The following FRMPD4 variants were observed in gnomAD, a reference collection of about 807,000 sequenced individuals.
FRMPD4 encodes FERM and PDZ domain containing 4, also known as FERM and PDZ domain-containing protein 4.
FRMPD4 carries 22 observed loss-of-function variants against 94.1 expected under a neutral mutation model. That is an observed-to-expected ratio of 0.23 (90% CI 0.17 to 0.33). The LOEUF (loss-of-function observed/expected upper bound fraction) is 0.33. Ranked by LOEUF, FRMPD4 falls within the 10% of genes least tolerant of loss-of-function variation. FRMPD4 has a pLI of 1.00. For synonymous variants in FRMPD4, 631 were observed against 548.6 expected (o/e 1.15, Z -2.10); for missense variants, 1,111 against 1,339.9 (o/e 0.83, Z 2.67).
At chrX:12,493,953 T>C (rs1266502338) in intron 1 of FRMPD4, among the ~76,000 whole-genome samples, 1 of 111,942 alleles carries the variant, frequency 8.9e-6, no homozygotes, top group Admixed American at 9.5e-5. Flanking sequence ...TTATTTCCAT[T>C]TTACACATAA....
intron 13 of FRMPD4, among the ~76,000 whole-genome samples, chrX:12,708,265 T>G (rs1254443387): frequency 9.3e-6 from 1 of 107,247 alleles, no homozygotes; most frequent in Non-Finnish European, 1.9e-5. Flanking sequence ...AGGTCAAGAG[T>G]TCAAGACCAG....
intron 3 of FRMPD4, among the ~76,000 whole-genome samples, chrX:11,930,437 G>A (rs1383015895): frequency 9.0e-6 from 1 of 110,867 alleles, no homozygotes; most frequent in African/African-American, 3.3e-5. Flanking sequence ...ATAAGAGGAG[G>A]AGAAGAAACA....
upstream of FRMPD4, among the ~76,000 whole-genome samples, chrX:12,136,863 C>G (rs182082738): frequency 2.8e-5 from 3 of 106,786 alleles, no homozygotes; most frequent in Admixed American, 1.0e-4. Flanking sequence ...TTAGATCAGA[C>G]AAGTAGCCTT....
chrX:12,123,919 T>G (rs2055477891), intron 3 of FRMPD4, among the ~76,000 whole-genome samples: 1 of 111,590 alleles, frequency 9.0e-6, no homozygotes, highest in Admixed American at 9.5e-5. Flanking sequence ...AAAAGGAAAC[T>G]CCAATGACTT....
intron 1 of FRMPD4, among the ~76,000 whole-genome samples, chrX:12,235,687 G>A (rs907467278): frequency 1.3e-4 from 15 of 112,097 alleles, no homozygotes; most frequent in African/African-American, 4.5e-4. Context: ...TTCAGTATTA[G>A]ACTTTTTATG....
At chrX:12,593,841 G>T (rs2059004737) in intron 2 of FRMPD4, among the ~76,000 whole-genome samples, 1 of 111,376 alleles carries the variant, frequency 9.0e-6, no homozygotes, top group Non-Finnish European at 1.9e-5. Context: ...AGTTTGCTGA[G>T]ACACATAATA....
At chrX:12,355,989 T>C (rs1257078167) in intron 1 of FRMPD4, among the ~76,000 whole-genome samples, 2 of 111,198 alleles carry the variant, frequency 1.8e-5, no homozygotes, top group East Asian at 5.6e-4. Context: ...GAAAAACAGG[T>C]TATGGGAGGG....
chrX:11,869,043 A>C (rs2053740658), intron 2 of FRMPD4, among the ~76,000 whole-genome samples: 1 of 111,847 alleles, frequency 8.9e-6, no homozygotes, highest in Non-Finnish European at 1.9e-5. Context: ...GTTGGACTTA[A>C]TGGTGTCTGA....
chrX:12,245,005 C>A (rs1474108476), intron 1 of FRMPD4, among the ~76,000 whole-genome samples: 1 of 112,684 alleles, frequency 8.9e-6, no homozygotes, highest in Non-Finnish European at 1.9e-5. Context: ...CCTTGCAAGT[C>A]CTTATGAAAG....
chrX:12,407,481 T>TATAG (rs1569263986), intron 1 of FRMPD4, among the ~76,000 whole-genome samples: 1 of 111,806 alleles, frequency 8.9e-6, no homozygotes, highest in Non-Finnish European at 1.9e-5. Flanking sequence ...ATCTGCAAAA[T>TATAG]AGGCATTCCA....
chrX:12,350,841 A>C (rs901139773), intron 1 of FRMPD4, among the ~76,000 whole-genome samples: 1 of 112,511 alleles, frequency 8.9e-6, no homozygotes, highest in African/African-American at 3.2e-5. Context: ...GAGGATGGCA[A>C]GAAATAAGAA....
chrX:12,570,657 A>G (rs2058753063), intron 2 of FRMPD4, among the ~76,000 whole-genome samples: 1 of 112,111 alleles, frequency 8.9e-6, no homozygotes, highest in Non-Finnish European at 1.9e-5. Flanking sequence ...TTATCTCAGT[A>G]CAGTAGTCCC....
At chrX:12,561,914 G>A (rs1483262647) in intron 2 of FRMPD4, among the ~76,000 whole-genome samples, 1 of 112,396 alleles carries the variant, frequency 8.9e-6, no homozygotes, top group Non-Finnish European at 1.9e-5. Flanking sequence ...CAGCAATTAA[G>A]CCAAAGGGCG....
intron 1 of FRMPD4, among the ~76,000 whole-genome samples, chrX:12,182,052 G>A (rs1239488817): frequency 9.0e-6 from 1 of 111,699 alleles, no homozygotes; most frequent in African/African-American, 3.3e-5. Context: ...CCAGGCCTGA[G>A]TGATGTGTTC....
At chrX:12,220,776 TTAAA>T (rs1305582963) in intron 1 of FRMPD4, among the ~76,000 whole-genome samples, 8 of 112,560 alleles carry the variant, frequency 7.1e-5, no homozygotes, top group Non-Finnish European at 1.5e-4. Context: ...GTGTGGCAGA[TTAAA>T]TAAAAATTTG....
chrX:12,208,565 A>T (rs1296574630), intron 1 of FRMPD4, among the ~76,000 whole-genome samples: 5 of 111,872 alleles, frequency 4.5e-5, no homozygotes, highest in African/African-American at 1.6e-4. Flanking sequence ...TCTTTATGCC[A>T]AATAGAATTG....
At chrX:12,017,409 G>A (rs189167693) in intron 3 of FRMPD4, among the ~76,000 whole-genome samples, 183 of 112,446 alleles carry the variant, frequency 1.6e-3, no homozygotes, top group African/African-American at 5.7e-3. Context: ...CCTGGAATCT[G>A]ATTTTATGAG....
intron 2 of FRMPD4, among the ~76,000 whole-genome samples, chrX:12,596,603 T>C (rs1224570302): frequency 9.1e-6 from 1 of 109,841 alleles, no homozygotes; most frequent in Non-Finnish European, 1.9e-5. Flanking sequence ...TATCAACACC[T>C]CTAGCTTCTA....
At chrX:12,715,432 C>T (rs986368842) in intron 14 of FRMPD4, among the ~76,000 whole-genome samples, 2 of 112,009 alleles carry the variant, frequency 1.8e-5, no homozygotes, top group African/African-American at 6.5e-5. Flanking sequence ...CACACATATA[C>T]ACATGGGCAT....
Sources: allele counts gnomAD v4.1 joint callset (sites outside exome capture counted in the v4.1 genomes callset), GRCh38; gene constraint gnomAD v4.1.1; transcripts MANE v1.5; gene names NCBI Gene and HGNC (gene_info 2026-07-23, HGNC 2026-07-21).